Variants in PCDHAC2 observed in about 807,000 individuals in gnomAD.
PCDHAC2 encodes the protein protocadherin alpha subfamily C, 2.
In PCDHAC2, 24 loss-of-function variants were observed where a neutral mutation model predicts 63.3. That is an observed-to-expected ratio of 0.38 (90% CI 0.27 to 0.53). The LOEUF (loss-of-function observed/expected upper bound fraction) is 0.53. Ranked by LOEUF, PCDHAC2 falls within the 20% of genes least tolerant of loss-of-function variation. The pLI, the probability that PCDHAC2 is intolerant of heterozygous loss-of-function variation, is 0.81. For missense variants in PCDHAC2, 1,181 were observed against 1,275.2 expected, an observed-to-expected ratio of 0.93 and a Z score of 1.12; for synonymous variants, 569 against 529.4, an observed-to-expected ratio of 1.07 and a Z score of -1.03.
Position 140,968,569 on chromosome 5 carries a change from C to A in PCDHAC2, c.1803C>A (p.Gly601=). The A allele has an allele frequency of 6.2e-7, 1 of 1,614,204 alleles. No homozygotes were observed. The highest frequency in any genetic ancestry group is 1.7e-4 in the Middle Eastern group (1 of 6,060). ...FEMVPRTAPA[G]YLVTKVIAMD... ...TGGTGCCTCGAACTGCCCCTGCTGG[C>A]TACCTGGTCACCAAAGTCATAGCTA... The change falls in exon 1 of 4, where the codon GGC becomes GGA. Residue 601 remains glycine (G), a synonymous_variant. Coordinates refer to ENST00000289269, the MANE Select transcript of PCDHAC2 (RefSeq NM_018899.6).
chr5:140,982,071 G>A (rs1484711558), intron 2 of PCDHAC2, among the ~76,000 whole-genome samples: 12 of 151,172 alleles, frequency 7.9e-5, no homozygotes, highest in Admixed American at 7.9e-4. Flanking sequence ...TTCTTCTTTA[G>A]AGTAGAGAAC....
At position 140,967,958 on chromosome 5, in the gene PCDHAC2, CG is replaced by C; in HGVS notation, c.1194del (p.Val400Ter). 6.2e-7 allele frequency: 1 copy of C among 1,614,182 alleles called. No individual in the cohort carries two copies. Among genetic ancestry groups the C allele is most frequent in the Non-Finnish European group, 8.5e-7 (1 of 1,180,030 alleles). ...SVNDQDSGPN[R>X]KVSLGLEATL... ...CAATGACCAAGACTCAGGCCCCAAC[CG>C]GAAAGTGAGCCTGGGTCTGGAGGCC... On this transcript the variant is annotated frameshift_variant, in exon 1 of 4. Coordinates refer to ENST00000289269, the MANE Select transcript of PCDHAC2 (RefSeq NM_018899.6). LOFTEE classifies it high-confidence loss of function.
chr5:140,993,463 CACACACACACACACA>C (rs2097564014), intron 3 of PCDHAC2, among the ~76,000 whole-genome samples: 3 of 7,580 alleles, frequency 4.0e-4, no homozygotes, highest in African/African-American at 2.0e-3. Context: ...CTTTCTTTCT[CACACACACACACACA>C]CACACACACA....
rs1214485732 is a variant in PCDHAC2, at chr5:141,010,285, C to T, written c.*348C>T. On this transcript the variant is annotated 3_prime_UTR_variant, in exon 4 of 4. Coordinates refer to ENST00000289269, the MANE Select transcript of PCDHAC2 (RefSeq NM_018899.6). The stretch of plus-strand genomic sequence containing the variant: ...CTCCGGGGATCCTGTCTTGATGACA[C>T]TTGCAGGGCAGGCTGAAAAGTTTTG... The T allele has an allele frequency of 1.3e-6, 2 of 1,550,458 alleles. No homozygotes were observed. The highest frequency in any genetic ancestry group is 1.7e-6 in the Non-Finnish European group (2 of 1,146,698).
At chr5:140,987,124 G>T (rs2097230182) in intron 3 of PCDHAC2, among the ~76,000 whole-genome samples, 1 of 151,678 alleles carries the variant, frequency 6.6e-6, no homozygotes, top group Non-Finnish European at 1.5e-5. Flanking sequence ...TGAGGCAGGA[G>T]AATTGCTTGA....
chr5:140,967,659 G>A lies in PCDHAC2; in HGVS notation c.893G>A (p.Ser298Asn). 1 of 1,614,218 alleles carries A rather than the reference G, an allele frequency of 6.2e-7. No homozygotes were observed. The highest frequency in any genetic ancestry group is 8.5e-7 in the Non-Finnish European group (1 of 1,180,034). ...SNGELRYSLSSYTSDRERQLF... is the reference protein window; with the variant it reads ...SNGELRYSLSNYTSDRERQLF... ...GGTGAGCTCAGGTACTCCTTGAGCA[G>A]CTACACGTCGGACCGGGAGAGGCAG... Residue 298 changes from serine (S) to asparagine (N), a missense_variant, in exon 1 of 4, where the codon AGC (serine) becomes AAC (asparagine). Ser to Asn is a conservative substitution (Grantham distance 46, BLOSUM62 1). This residue lies in a region of PCDHAC2 where 968 missense variants were observed against 1,073.5 expected (regional missense o/e 0.90). Transcript: ENST00000289269.
Position 140,968,540 on chromosome 5 carries a change from G to A in PCDHAC2, c.1774G>A (p.Glu592Lys), listed in dbSNP as rs1554230842. 8 of 1,614,064 alleles carry A rather than the reference G, an allele frequency of 5.0e-6. No homozygotes were observed. The highest frequency in any genetic ancestry group is 1.7e-6 in the Non-Finnish European group (2 of 1,180,042). Residue 592 changes from glutamate to lysine, a missense_variant, in exon 1 of 4, where the codon GAG becomes AAG. Glu to Lys is a moderately conservative substitution (Grantham distance 56, BLOSUM62 1). Around this residue, in one of 3 missense-constraint regions of PCDHAC2, gnomAD observed 968 missense variants for 1,073.5 expected, o/e 0.90. Coordinates refer to ENST00000289269, the MANE Select transcript of PCDHAC2 (RefSeq NM_018899.6). ...PTSTNSSAAF[E>K]MVPRTAPAGY... ...CTCAACCAACTCGTCAGCAGCCTTC[G>A]AGATGGTGCCTCGAACTGCCCCTGC...
chr5:140,994,142 G>A (rs550428204), intron 3 of PCDHAC2, among the ~76,000 whole-genome samples: 21 of 152,298 alleles, frequency 1.4e-4, no homozygotes, highest in South Asian at 4.1e-4. Context: ...AATGCCCTAC[G>A]TAGGTAGGGT....
Position 141,001,288 on chromosome 5 carries a change from C to T in PCDHAC2, c.2714-8339C>T, listed in dbSNP as rs147786395. 2.9e-3 allele frequency among the ~76,000 whole-genome samples: 438 copies of T among 152,218 alleles called. 7 individuals are homozygous for T. The East Asian group carries it at 0.044, about 15-fold the overall frequency. ...TATGAACTTTTTTTACGGATGAAAACTGAGGCCCAGAGATATGAAATAATT... is the reference window on the plus strand; with the variant it reads ...TATGAACTTTTTTTACGGATGAAAATTGAGGCCCAGAGATATGAAATAATT... On this transcript the variant is annotated intron_variant, in intron 3 of 3. Transcript: ENST00000289269.
At chr5:140,975,236 T>A (rs562846037) in intron 1 of PCDHAC2, among the ~76,000 whole-genome samples, 84 of 152,334 alleles carry the variant, frequency 5.5e-4, no homozygotes, top group African/African-American at 1.9e-3. Context: ...TCACATGGAA[T>A]CCCTCTTATG....
chr5:140,998,893 C>T (rs144409989), intron 3 of PCDHAC2, among the ~76,000 whole-genome samples: 1 of 152,306 alleles, frequency 6.6e-6, no homozygotes, highest in African/African-American at 2.4e-5. Flanking sequence ...GAATAAATAA[C>T]AATGCCTCCG....
intron 1 of PCDHAC2, among the ~76,000 whole-genome samples, chr5:140,974,980 G>A (rs149148015): frequency 2.4e-4 from 36 of 152,208 alleles, no homozygotes; most frequent in Non-Finnish European, 5.0e-4. Context: ...TGAGTTGTCC[G>A]CTCAGGTATT....
rs1587841717 is a variant in PCDHAC2, at chr5:140,999,568, GA to G, written c.2714-10058del. On this transcript the variant is annotated intron_variant, in intron 3 of 3. Transcript: ENST00000289269. ...ATGAAGAGGGGGTATTTTGAGAAGA[GA>G]CTATAAAGGGAAATTGCCTTCCCTA... Among the ~76,000 whole-genome samples the G allele has an allele frequency of 2.0e-5, 3 of 152,084 alleles. No homozygotes were observed. In the South Asian group the frequency reaches 6.2e-4, roughly 32 times the overall value.
intron 3 of PCDHAC2, among the ~76,000 whole-genome samples, chr5:140,994,127 A>T (rs536865883): frequency 6.6e-6 from 1 of 152,348 alleles, no homozygotes; most frequent in South Asian, 2.1e-4. Flanking sequence ...GATAAGGGCG[A>T]CAATAATGCC....
chr5:140,990,754 G>A (rs3822343), intron 3 of PCDHAC2, among the ~76,000 whole-genome samples: 7,419 of 152,246 alleles, frequency 0.049, 237 homozygotes, highest in South Asian at 0.11. Flanking sequence ...GGATACCTTT[G>A]AGCCTGTAAA....
In PCDHAC2 at chr5:140,968,856, G is replaced by A. The variant is rs782749305; in HGVS notation, c.2090G>A (p.Ser697Asn). 1.2e-6 allele frequency: 2 copies of A among 1,614,184 alleles called. No individual in the cohort carries two copies. The highest frequency in any genetic ancestry group is 1.1e-5 in the South Asian group (1 of 91,082). The change falls in exon 1 of 4, where the codon AGC (serine) becomes AAC (asparagine). Residue 697 changes from serine (S) to asparagine (N), a missense_variant. Physicochemically the swap from Ser to Asn is conservative, Grantham distance 46. This residue lies in a region of PCDHAC2 where 968 missense variants were observed against 1,073.5 expected (regional missense o/e 0.90). Transcript: ENST00000289269. ...ILPDTQRHVK[S>N]PRTYSEITLY... ...CCTGACACTCAGAGGCATGTTAAGA[G>A]CCCTCGGACATACTCTGAAATTACC...
rs782556858 is a variant in PCDHAC2 at position 140,967,087 on chromosome 5, G to A, written c.321G>A (p.Arg107=). ...TCTTCGTCAACGAGCGCATTGATCG[G>A]GAGGCGCTGTGTGAGCAGCGGCCTC... is the stretch of plus-strand genomic sequence containing the variant. ...GALFVNERID[R]EALCEQRPRC... Residue 107 remains arginine, a synonymous_variant, in exon 1 of 4, where the codon CGG becomes CGA. Coordinates refer to ENST00000289269, the MANE Select transcript of PCDHAC2 (RefSeq NM_018899.6). 5 of 1,613,256 alleles carry A rather than the reference G, an allele frequency of 3.1e-6. No individual in the cohort carries two copies. Among genetic ancestry groups the A allele is most frequent in the South Asian group, 1.1e-5 (1 of 91,058 alleles).
intron 3 of PCDHAC2, among the ~76,000 whole-genome samples, chr5:140,994,850 CAT>C (rs10584145): frequency 0.01 from 1,553 of 152,082 alleles, 27 homozygotes; most frequent in African/African-American, 0.036. Flanking sequence ...AAGATGAGTG[CAT>C]TTGATGGATG....
At chr5:140,999,049 A>G (rs962383659) in intron 3 of PCDHAC2, among the ~76,000 whole-genome samples, 2 of 152,332 alleles carry the variant, frequency 1.3e-5, no homozygotes, top group Non-Finnish European at 2.9e-5. Context: ...TGTGCTTTCC[A>G]CCATGCCTAA....
Sources: allele counts gnomAD v4.1 joint callset (sites outside exome capture counted in the v4.1 genomes callset), GRCh38; gene constraint gnomAD v4.1.1; regional missense constraint gnomAD v4.1.1; transcripts MANE v1.5; gene names NCBI Gene and HGNC (gene_info 2026-07-23, HGNC 2026-07-21).